The following GLRA3 variants were observed in gnomAD, a reference collection of about 807,000 sequenced individuals.
GLRA3 encodes the protein glycine receptor subunit alpha-3.
Under a neutral mutation model 60.4 loss-of-function variants are expected in GLRA3, and 44 were observed. The observed-to-expected ratio is 0.73, with a 90% confidence interval of 0.57 to 0.94. The LOEUF (loss-of-function observed/expected upper bound fraction) is 0.94. Ranked by LOEUF, GLRA3 falls within the 40% of genes least tolerant of loss-of-function variation. The pLI is 0.00. For missense variants in GLRA3, 508 were observed against 564.6 expected, an observed-to-expected ratio of 0.90 and a Z score of 1.02; for synonymous variants, 223 against 192.9, an observed-to-expected ratio of 1.16 and a Z score of -1.29.
chr4:174,805,408 C>T (rs1019120745), intron 1 of GLRA3, among the ~76,000 whole-genome samples: 4 of 152,208 alleles, frequency 2.6e-5, no homozygotes, highest in Admixed American at 1.3e-4. Flanking sequence ...ATCACTGACT[C>T]TGGGAAGCTA....
intron 7 of GLRA3, among the ~76,000 whole-genome samples, chr4:174,668,564 G>A (rs565476036): frequency 2.4e-4 from 36 of 152,206 alleles, no homozygotes; most frequent in Admixed American, 1.2e-3. Context: ...ATATTAATGG[G>A]CAAAGATATA....
intron 5 of GLRA3, among the ~76,000 whole-genome samples, chr4:174,687,807 T>A (rs1040819143): frequency 6.6e-6 from 1 of 152,126 alleles, no homozygotes; most frequent in Non-Finnish European, 1.5e-5. Context: ...AAATAACTCA[T>A]CAATCTGATA....
intron 5 of GLRA3, among the ~76,000 whole-genome samples, chr4:174,683,238 T>C (rs2110977406): frequency 1.3e-5 from 2 of 152,340 alleles, no homozygotes; most frequent in Middle Eastern, 3.4e-3. Flanking sequence ...GGGTAGCTAC[T>C]AGATTAATTT....
intron 4 of GLRA3, among the ~76,000 whole-genome samples, chr4:174,724,475 A>T (rs1736246100): frequency 6.6e-6 from 1 of 152,092 alleles, no homozygotes. Context: ...ATGCATTTAT[A>T]AAAAAAGTTA....
At chr4:174,747,269 G>C (rs1176905244) in intron 3 of GLRA3, among the ~76,000 whole-genome samples, 3 of 152,116 alleles carry the variant, frequency 2.0e-5, no homozygotes, top group Non-Finnish European at 4.4e-5. Flanking sequence ...AACAGCAAAT[G>C]CAAGGAACAG....
At chr4:174,648,645 G>C (rs889253876) in intron 9 of GLRA3, among the ~76,000 whole-genome samples, 8 of 152,136 alleles carry the variant, frequency 5.3e-5, no homozygotes, top group Admixed American at 4.6e-4. Context: ...CAAAACTTGG[G>C]TAAGCACTGG....
intron 1 of GLRA3, among the ~76,000 whole-genome samples, chr4:174,815,357 G>T (rs1740446177): frequency 6.6e-6 from 1 of 152,136 alleles, no homozygotes; most frequent in South Asian, 2.1e-4. Flanking sequence ...GCTGTCAGTG[G>T]ATCTGCTATT....
intron 1 of GLRA3, among the ~76,000 whole-genome samples, chr4:174,798,002 C>T (rs1739638021): frequency 6.6e-6 from 1 of 151,984 alleles, no homozygotes; most frequent in Non-Finnish European, 1.5e-5. Flanking sequence ...AATACAGATG[C>T]TTTTATGATG....
intron 3 of GLRA3, among the ~76,000 whole-genome samples, chr4:174,759,525 T>C (rs1419474691): frequency 1.3e-5 from 2 of 152,108 alleles, no homozygotes; most frequent in Non-Finnish European, 2.9e-5. Flanking sequence ...AGTGCTCATC[T>C]TTATATTCAA....
chr4:174,679,679 C>A (rs1035714515), intron 6 of GLRA3, among the ~76,000 whole-genome samples: 1 of 152,012 alleles, frequency 6.6e-6, no homozygotes, highest in African/African-American at 2.4e-5. Flanking sequence ...TGTATATACA[C>A]AATGGAATAT....
At chr4:174,810,393 AT>A (rs1215331719) in intron 1 of GLRA3, among the ~76,000 whole-genome samples, 1 of 152,044 alleles carries the variant, frequency 6.6e-6, no homozygotes, top group Non-Finnish European at 1.5e-5. Context: ...AACACATGGA[AT>A]GGATAAGTAG....
intron 3 of GLRA3, among the ~76,000 whole-genome samples, chr4:174,744,509 T>C (rs185596035): frequency 3.3e-5 from 5 of 152,348 alleles, no homozygotes; most frequent in Admixed American, 3.3e-4. Context: ...CTAGTTCCTG[T>C]ACCCTAAACC....
chr4:174,826,505 G>C (rs1007288729), intron 1 of GLRA3, among the ~76,000 whole-genome samples: 1 of 151,886 alleles, frequency 6.6e-6, no homozygotes, highest in Admixed American at 6.6e-5. Flanking sequence ...TCTTCACTTG[G>C]GTGTGTTCCC....
chr4:174,733,945 T>C (rs1459428706), intron 3 of GLRA3, among the ~76,000 whole-genome samples: 2 of 152,216 alleles, frequency 1.3e-5, no homozygotes, highest in African/African-American at 4.8e-5. Context: ...TAGGAAACTA[T>C]TATATCTTTT....
intron 2 of GLRA3, among the ~76,000 whole-genome samples, chr4:174,780,656 T>A (rs570485838): frequency 0.013 from 2,025 of 150,756 alleles, 52 homozygotes; most frequent in African/African-American, 0.047. Flanking sequence ...AAGTCAGGGG[T>A]TGCAATCCTA....
chr4:174,724,222 A>C (rs558027310), intron 4 of GLRA3, among the ~76,000 whole-genome samples: 6 of 152,126 alleles, frequency 3.9e-5, no homozygotes, highest in African/African-American at 4.8e-5. Context: ...ATTAGTGAAC[A>C]TATATAGGCC....
At chr4:174,823,426 G>A (rs1174876201) in intron 1 of GLRA3, among the ~76,000 whole-genome samples, 1 of 152,156 alleles carries the variant, frequency 6.6e-6, no homozygotes. Flanking sequence ...TCAGGAGGCT[G>A]AGGCAGAAGA....
intron 5 of GLRA3, among the ~76,000 whole-genome samples, chr4:174,703,584 T>C (rs1735404676): frequency 6.6e-6 from 1 of 152,236 alleles, no homozygotes; most frequent in Non-Finnish European, 1.5e-5. Context: ...TTCCTCTTGA[T>C]CCTTTTTACA....
At chr4:174,671,941 G>A (rs758920458) in intron 7 of GLRA3, among the ~76,000 whole-genome samples, 34 of 152,072 alleles carry the variant, frequency 2.2e-4, no homozygotes, top group South Asian at 2.1e-4. Context: ...GTGAGCCACC[G>A]TGCCCAGACG....
Sources: allele counts gnomAD v4.1 joint callset (sites outside exome capture counted in the v4.1 genomes callset), GRCh38; gene constraint gnomAD v4.1.1; transcripts MANE v1.5; gene names NCBI Gene and HGNC (gene_info 2026-07-23, HGNC 2026-07-21).